Variants in PLXDC2 observed in about 807,000 individuals in gnomAD.
PLXDC2 encodes plexin domain-containing protein 2.
PLXDC2 carries 40 observed loss-of-function variants against 68.9 expected under a neutral mutation model. That is an observed-to-expected ratio of 0.58 (90% CI 0.45 to 0.76). The LOEUF (loss-of-function observed/expected upper bound fraction) is 0.76. PLXDC2 is among the 30% of genes least tolerant of loss of function. PLXDC2 has a pLI of 0.00. For missense variants in PLXDC2, 644 were observed against 661.9 expected (o/e 0.97, Z 0.30); for synonymous variants, 243 against 234.2 (o/e 1.04, Z -0.34).
chr10:20,173,458 A>G (rs1476726417), intron 7 of PLXDC2, among the ~76,000 whole-genome samples: 1 of 152,208 alleles, frequency 6.6e-6, no homozygotes, highest in Non-Finnish European at 1.5e-5. Flanking sequence ...CAGTTCAGCT[A>G]GAGTGGATAT....
chr10:20,033,680 A>G (rs1036120857), intron 2 of PLXDC2, among the ~76,000 whole-genome samples: 3 of 152,128 alleles, frequency 2.0e-5, no homozygotes, highest in Admixed American at 2.0e-4. Context: ...CTTATTCACT[A>G]TCACAAGAAC....
intron 13 of PLXDC2, among the ~76,000 whole-genome samples, chr10:20,266,315 A>G (rs540808106): frequency 2.0e-5 from 3 of 152,112 alleles, no homozygotes; most frequent in South Asian, 2.1e-4. Context: ...AAGATTATCA[A>G]TATATTTATA....
intron 2 of PLXDC2, among the ~76,000 whole-genome samples, chr10:20,044,094 C>CCCTG (rs1835732520): frequency 6.1e-5 from 2 of 32,826 alleles, no homozygotes; most frequent in African/African-American, 1.4e-4. Flanking sequence ...TGGCTTTTTC[C>CCCTG]CCTTCCTTCC....
chr10:20,011,046 A>G (rs1835104780), intron 2 of PLXDC2, among the ~76,000 whole-genome samples: 1 of 152,198 alleles, frequency 6.6e-6, no homozygotes, highest in Non-Finnish European at 1.5e-5. Flanking sequence ...GAAAATTATT[A>G]TTTTCAATAT....
At chr10:20,275,453 G>A (rs1229334993) in intron 13 of PLXDC2, among the ~76,000 whole-genome samples, 3 of 152,136 alleles carry the variant, frequency 2.0e-5, no homozygotes, top group African/African-American at 4.8e-5. Context: ...CAAAACACAT[G>A]TTTTAGAAAG....
At chr10:20,083,938 C>T (rs1833153277) in intron 4 of PLXDC2, among the ~76,000 whole-genome samples, 1 of 152,022 alleles carries the variant, frequency 6.6e-6, no homozygotes, top group Non-Finnish European at 1.5e-5. Flanking sequence ...TGTAACAGTC[C>T]CACTAGGAAT....
intron 3 of PLXDC2, among the ~76,000 whole-genome samples, chr10:20,064,381 C>T (rs1391356136): frequency 3.3e-5 from 5 of 151,934 alleles, no homozygotes. Flanking sequence ...CCACCACGCC[C>T]ATCTAATTTT....
chr10:20,052,457 ACACGTCCACATG>A (rs1331410044), intron 3 of PLXDC2, among the ~76,000 whole-genome samples: 1 of 152,056 alleles, frequency 6.6e-6, no homozygotes, highest in East Asian at 1.9e-4. Flanking sequence ...ATGTCCACAT[ACACGTCCACATG>A]CAACAAACAC....
intron 1 of PLXDC2, among the ~76,000 whole-genome samples, chr10:19,988,145 C>A (rs187059885): frequency 0.03 from 4,642 of 152,248 alleles, 105 homozygotes; most frequent in Middle Eastern, 0.051. Flanking sequence ...CATGAGCTTA[C>A]TATCCTTTCG....
intron 12 of PLXDC2, among the ~76,000 whole-genome samples, chr10:20,236,295 G>C (rs961308673): frequency 6.6e-6 from 1 of 151,878 alleles, no homozygotes; most frequent in South Asian, 2.1e-4. Context: ...TACAAAAAAA[G>C]TTAGCCAGGA....
At chr10:19,989,126 T>C (rs530325187) in intron 1 of PLXDC2, among the ~76,000 whole-genome samples, 69 of 152,176 alleles carry the variant, frequency 4.5e-4, no homozygotes, top group African/African-American at 1.6e-3. Flanking sequence ...TGACTAACAA[T>C]ACAAATCCAG....
intron 12 of PLXDC2, among the ~76,000 whole-genome samples, chr10:20,226,940 A>T (rs1018909297): frequency 6.6e-6 from 1 of 151,854 alleles, no homozygotes; most frequent in Non-Finnish European, 1.5e-5. Flanking sequence ...TCTGAGATAT[A>T]TGAGGGGCCC....
intron 2 of PLXDC2, among the ~76,000 whole-genome samples, chr10:20,015,798 G>A (rs1328241305): frequency 6.6e-6 from 1 of 152,104 alleles, no homozygotes; most frequent in Admixed American, 6.6e-5. Flanking sequence ...ATCCTCATTG[G>A]CCTCCTTCCA....
In PLXDC2 at chr10:20,082,813, A is replaced by G. The variant is rs1392716711; in HGVS notation, c.541+14574A>G. ...GGATGTTCAGGTTTTGGACAGGTTA[A>G]ATAAACTACTGGGAACCCATAGAGT... is the stretch of plus-strand genomic sequence containing the variant. On this transcript the variant is annotated intron_variant, in intron 4 of 13. Coordinates refer to ENST00000377252, the MANE Select transcript of PLXDC2 (RefSeq NM_032812.9). Among the ~76,000 whole-genome samples, 3 of 152,190 alleles carry G rather than the reference A, an allele frequency of 2.0e-5. No homozygotes were observed. The East Asian group carries it at 5.8e-4, about 29-fold the overall frequency.
intron 12 of PLXDC2, among the ~76,000 whole-genome samples, chr10:20,229,384 A>G (rs1835329291): frequency 6.6e-6 from 1 of 152,142 alleles, no homozygotes; most frequent in Non-Finnish European, 1.5e-5. Flanking sequence ...TAAAAGGCCC[A>G]TCAGGTTGTG....
At chr10:20,023,170 C>T (rs530744359) in intron 2 of PLXDC2, among the ~76,000 whole-genome samples, 23 of 148,902 alleles carry the variant, frequency 1.5e-4, no homozygotes, top group Middle Eastern at 3.3e-3. Flanking sequence ...ATCTACAATC[C>T]GTATTGTTTC....
intron 4 of PLXDC2, among the ~76,000 whole-genome samples, chr10:20,118,372 G>T (rs1345912958): frequency 1.3e-5 from 2 of 152,072 alleles, no homozygotes; most frequent in African/African-American, 2.4e-5. Flanking sequence ...CTCCTGGGCT[G>T]GGGGAGAGAA....
At chr10:19,900,617 T>C (rs1011329548) in intron 1 of PLXDC2, among the ~76,000 whole-genome samples, 3 of 152,104 alleles carry the variant, frequency 2.0e-5, no homozygotes, top group Non-Finnish European at 4.4e-5. Flanking sequence ...ATTTATTTAT[T>C]ATTCAATAGG....
chr10:20,178,467 G>C (rs888698910), intron 9 of PLXDC2, among the ~76,000 whole-genome samples: 1 of 152,078 alleles, frequency 6.6e-6, no homozygotes, highest in Non-Finnish European at 1.5e-5. Flanking sequence ...GAAGTTTACA[G>C]TCTGCCTGAG....
Sources: allele counts gnomAD v4.1 joint callset (sites outside exome capture counted in the v4.1 genomes callset), GRCh38; gene constraint gnomAD v4.1.1; transcripts MANE v1.5; gene names NCBI Gene and HGNC (gene_info 2026-07-23, HGNC 2026-07-21).